The following TAS2R1 variants were observed in gnomAD, a reference collection of about 807,000 sequenced individuals.
TAS2R1 encodes taste receptor type 2 member 1.
For missense variants in TAS2R1, 370 were observed against 353.4 expected, an observed-to-expected ratio of 1.05 and a Z score of -0.38; for synonymous variants, 141 against 134.2, an observed-to-expected ratio of 1.05 and a Z score of -0.35.
At chr5:9,892,945 G>A in the TAS2R1 span, among the ~76,000 whole-genome samples, 1 of 152,180 alleles carries the variant, frequency 6.6e-6, no homozygotes, top group African/African-American at 2.4e-5. Context: ...GTGCAGGGCA[G>A]ATCTGACCAC....
At chr5:9,655,258 A>C (rs1048690358) in intron 2 of TAS2R1, among the ~76,000 whole-genome samples, 1 of 152,198 alleles carries the variant, frequency 6.6e-6, no homozygotes, top group African/African-American at 2.4e-5. Context: ...GTATTTTCCA[A>C]AACTTGTCAG....
At chr5:9,891,524 T>C in the TAS2R1 span, among the ~76,000 whole-genome samples, 2 of 151,966 alleles carry the variant, frequency 1.3e-5, no homozygotes, top group Non-Finnish European at 2.9e-5. Context: ...ATGCACAGAG[T>C]ATGGGTTCCA....
chr5:9,635,091 A>C (rs77753066), upstream of TAS2R1, among the ~76,000 whole-genome samples: 1,174 of 152,146 alleles, frequency 7.7e-3, 14 homozygotes, highest in African/African-American at 0.027. Flanking sequence ...TTTGTCCTAG[A>C]TGGCTTTTAT....
At chr5:9,852,027 T>C in the TAS2R1 span, among the ~76,000 whole-genome samples, 5 of 152,302 alleles carry the variant, frequency 3.3e-5, no homozygotes, top group Admixed American at 2.6e-4. Context: ...AGAGTTTAAA[T>C]ACCTCCTGTA....
intron 1 of TAS2R1, chr5:9,712,137 C>A (rs1734694630): frequency 6.6e-6 from 1 of 152,086 alleles, no homozygotes; most frequent in African/African-American, 2.4e-5. Context: ...TGTCTAACAA[C>A]TATAAGCAGG....
chr5:9,650,850 C>G (rs951110842), intron 2 of TAS2R1, among the ~76,000 whole-genome samples: 4 of 152,152 alleles, frequency 2.6e-5, no homozygotes, highest in Admixed American at 2.6e-4. Flanking sequence ...TTTTTCTTCG[C>G]TGCTATATAC....
chr5:9,743,611 A>C, the TAS2R1 span, among the ~76,000 whole-genome samples: 1 of 152,226 alleles, frequency 6.6e-6, no homozygotes, highest in Non-Finnish European at 1.5e-5. Context: ...CCAGTAAGTC[A>C]TGGAAATATA....
upstream of TAS2R1, among the ~76,000 whole-genome samples, chr5:9,630,523 G>C: frequency 6.6e-6 from 1 of 152,154 alleles, no homozygotes; most frequent in East Asian, 1.9e-4. Context: ...AGCAACATAG[G>C]ACTCCTGAGT....
chr5:9,888,871 C>T, the TAS2R1 span, among the ~76,000 whole-genome samples: 1 of 152,092 alleles, frequency 6.6e-6, no homozygotes, highest in African/African-American at 2.4e-5. Flanking sequence ...TAGCAGAAGA[C>T]AGATGGCATC....
At chr5:9,823,805 A>G in the TAS2R1 span, among the ~76,000 whole-genome samples, 1 of 152,198 alleles carries the variant, frequency 6.6e-6, no homozygotes. Flanking sequence ...CTGAAAATGC[A>G]TGCTCACTAC....
chr5:9,733,652 T>C, the TAS2R1 span, among the ~76,000 whole-genome samples: 2 of 152,134 alleles, frequency 1.3e-5, no homozygotes, highest in East Asian at 3.9e-4. Context: ...AATGGAAGCT[T>C]GAAGCTCGTG....
At chr5:9,846,050 T>C in the TAS2R1 span, among the ~76,000 whole-genome samples, 6 of 152,176 alleles carry the variant, frequency 3.9e-5, no homozygotes, top group African/African-American at 1.4e-4. Context: ...AGGAAGGAGA[T>C]AGAAAACTGG....
At chr5:9,725,608 C>T in the TAS2R1 span, among the ~76,000 whole-genome samples, 1 of 152,208 alleles carries the variant, frequency 6.6e-6, no homozygotes, top group Non-Finnish European at 1.5e-5. Flanking sequence ...GCCCCTCCCC[C>T]ATCCGCCCCC....
At chr5:9,864,368 C>T in the TAS2R1 span, among the ~76,000 whole-genome samples, 1 of 152,168 alleles carries the variant, frequency 6.6e-6, no homozygotes, top group African/African-American at 2.4e-5. Flanking sequence ...TGGCTCATGC[C>T]TGTAATCCCA....
intron 1 of TAS2R1, among the ~76,000 whole-genome samples, chr5:9,675,860 T>C (rs1399906051): frequency 6.6e-6 from 1 of 152,224 alleles, no homozygotes; most frequent in Non-Finnish European, 1.5e-5. Context: ...TTTTCTTGTC[T>C]AATTGCTCTG....
chr5:9,819,489 A>G, the TAS2R1 span, among the ~76,000 whole-genome samples: 10 of 152,332 alleles, frequency 6.6e-5, no homozygotes, highest in East Asian at 1.9e-3. Context: ...AGCACACTTA[A>G]TAAAAACACT....
chr5:9,693,324 C>T (rs1741286512), intron 1 of TAS2R1, among the ~76,000 whole-genome samples: 1 of 151,920 alleles, frequency 6.6e-6, no homozygotes, highest in South Asian at 2.1e-4. Context: ...GCCTGACCAA[C>T]ATGGTGAACT....
chr5:9,830,758 C>T, the TAS2R1 span, among the ~76,000 whole-genome samples: 5 of 152,164 alleles, frequency 3.3e-5, no homozygotes, highest in African/African-American at 9.7e-5. Flanking sequence ...CAACCAATAA[C>T]GTACTAACTC....
chr5:9,896,627 A>G, the TAS2R1 span, among the ~76,000 whole-genome samples: 1 of 152,098 alleles, frequency 6.6e-6, no homozygotes, highest in Non-Finnish European at 1.5e-5. Flanking sequence ...TCCTCACCTA[A>G]TGGCTTTACT....
Sources: allele counts gnomAD v4.1 joint callset (sites outside exome capture counted in the v4.1 genomes callset), GRCh38; gene constraint gnomAD v4.1.1; transcripts MANE v1.5; gene names NCBI Gene and HGNC (gene_info 2026-07-23, HGNC 2026-07-21).